Variants in PSPC1 observed in about 807,000 individuals in gnomAD.
The protein encoded by PSPC1 is paraspeckle protein 1.
In PSPC1, 14 loss-of-function variants were observed where a neutral mutation model predicts 51.6. The ratio of observed to expected loss-of-function variants is 0.27; its 90% CI spans 0.18 to 0.42. The LOEUF (loss-of-function observed/expected upper bound fraction) is 0.42, where lower values mean the gene tolerates loss of function less well. PSPC1 is among the 10% of genes least tolerant of loss of function. PSPC1 has a pLI of 1.00. For synonymous variants in PSPC1, 193 were observed against 231.9 expected, an observed-to-expected ratio of 0.83 and a Z score of 1.53; for missense variants, 406 against 701.1, an observed-to-expected ratio of 0.58 and a Z score of 4.75.
intron 5 of PSPC1, among the ~76,000 whole-genome samples, chr13:19,736,640 G>A (rs550703228): frequency 3.6e-4 from 55 of 152,166 alleles, no homozygotes; most frequent in Middle Eastern, 3.4e-3. Context: ...CCGAGATCGC[G>A]CCACTGCACT....
chr13:19,679,938 T>C (rs1407467610), intron 6 of PSPC1, among the ~76,000 whole-genome samples: 2 of 152,226 alleles, frequency 1.3e-5, no homozygotes, highest in Admixed American at 1.3e-4. Context: ...TTATAAACCA[T>C]TACTAAAACC....
chr13:19,776,437 G>A (rs929219798), intron 1 of PSPC1, among the ~76,000 whole-genome samples: 1 of 152,108 alleles, frequency 6.6e-6, no homozygotes, highest in African/African-American at 2.4e-5. Context: ...CTGCACTCTA[G>A]TCTGGGCACT....
rs757707556 is a variant in PSPC1, at chr13:19,703,137, A to T, written c.*38T>A. The T allele has an allele frequency of 1.9e-6, 3 of 1,577,430 alleles. No individual in the cohort carries two copies. The African/African-American group carries it at 4.1e-5, about 21-fold the overall frequency. On this transcript the variant is annotated 3_prime_UTR_variant, in exon 9 of 9. Transcript: ENST00000338910. ...GTAAAAGTATAAAGGCATACCACTG[A>T]CTTTTTTTTTTCTAGATAGCCAGGA...
At chr13:19,726,201 A>C (rs1883345012) in intron 6 of PSPC1, among the ~76,000 whole-genome samples, 1 of 152,128 alleles carries the variant, frequency 6.6e-6, no homozygotes, top group East Asian at 1.9e-4. Context: ...TAAATCTTAC[A>C]CCATGTTGAA....
chr13:19,678,694 G>A (rs1876936545), intron 6 of PSPC1: 1 of 152,182 alleles, frequency 6.6e-6, no homozygotes, highest in Non-Finnish European at 1.5e-5. Context: ...GGGATCCACA[G>A]ATACCCTAAT....
chr13:19,672,680 T>TC (rs778457927), downstream of PSPC1: 1 of 156,854 alleles, frequency 6.4e-6, no homozygotes, highest in Non-Finnish European at 1.4e-5. Flanking sequence ...GCACAAAAGG[T>TC]GGAGATGGCA....
intron 6 of PSPC1, among the ~76,000 whole-genome samples, chr13:19,693,197 A>G: frequency 6.6e-6 from 1 of 152,130 alleles, no homozygotes; most frequent in Non-Finnish European, 1.5e-5. Context: ...TCGTGCAAAA[A>G]GCCTACAACT....
intron 6 of PSPC1, among the ~76,000 whole-genome samples, chr13:19,691,426 G>A (rs1263799453): frequency 6.6e-6 from 1 of 152,058 alleles, no homozygotes; most frequent in Non-Finnish European, 1.5e-5. Flanking sequence ...CTACTACTGA[G>A]GTGGGATGAT....
chr13:19,691,979 C>G (rs181635812), intron 6 of PSPC1, among the ~76,000 whole-genome samples: 1 of 152,154 alleles, frequency 6.6e-6, no homozygotes, highest in East Asian at 1.9e-4. Flanking sequence ...GTTTAGTGAG[C>G]AAGCGGGGAG....
chr13:19,727,767 C>T (rs899702160), intron 6 of PSPC1, among the ~76,000 whole-genome samples: 22 of 152,144 alleles, frequency 1.4e-4, no homozygotes, highest in Non-Finnish European at 1.3e-4. Context: ...ATTCTCATTG[C>T]TTCCAGAATA....
chr13:19,718,256 T>TTA (rs746674049), intron 6 of PSPC1, among the ~76,000 whole-genome samples: 23 of 152,056 alleles, frequency 1.5e-4, no homozygotes, highest in East Asian at 9.7e-4. Context: ...GACAATCTCT[T>TTA]TATATATATA....
At chr13:19,701,486 C>A (rs1198661865), downstream of PSPC1, among the ~76,000 whole-genome samples, 1 of 152,100 alleles carries the variant, frequency 6.6e-6, no homozygotes, top group Non-Finnish European at 1.5e-5. Context: ...TATTATTTTA[C>A]AATCTCCAAA....
intron 2 of PSPC1, among the ~76,000 whole-genome samples, 193 bp from the exon 3 acceptor site, chr13:19,759,611 A>C (rs1481149907): frequency 6.6e-6 from 1 of 152,198 alleles, no homozygotes; most frequent in Non-Finnish European, 1.5e-5. Flanking sequence ...CTGTAATCCC[A>C]GTACTTTGGG....
intron 1 of PSPC1, among the ~76,000 whole-genome samples, chr13:19,780,121 C>CT (rs1889767075): frequency 1.6e-5 from 1 of 63,218 alleles, no homozygotes; most frequent in African/African-American, 4.1e-5. Flanking sequence ...CCAGCCGCCC[C>CT]GTCCGGGAGG....
chr13:19,775,999 C>T (rs1455297358), intron 1 of PSPC1, among the ~76,000 whole-genome samples: 5 of 151,616 alleles, frequency 3.3e-5, no homozygotes, highest in African/African-American at 7.3e-5. Context: ...TGCAGTGAGC[C>T]GCGATCGCAC....
intron 6 of PSPC1, among the ~76,000 whole-genome samples, chr13:19,723,830 A>G (rs552684202): frequency 3.4e-4 from 52 of 152,352 alleles, no homozygotes; most frequent in Non-Finnish European, 6.2e-4. Flanking sequence ...TTTAATGAAT[A>G]AGTAAAAACA....
intron 7 of PSPC1, among the ~76,000 whole-genome samples, chr13:19,676,266 C>T (rs1752686619): frequency 6.6e-6 from 1 of 152,096 alleles, no homozygotes; most frequent in African/African-American, 2.4e-5. Context: ...ATAAAATCTC[C>T]ATAGACTAGA....
At chr13:19,720,421 C>T (rs1042204985) in intron 6 of PSPC1, among the ~76,000 whole-genome samples, 1 of 152,288 alleles carries the variant, frequency 6.6e-6, no homozygotes, top group East Asian at 1.9e-4. Flanking sequence ...AGATGGCCAA[C>T]GTATGAGTTA....
intron 1 of PSPC1, among the ~76,000 whole-genome samples, chr13:19,779,339 G>GCC (rs1295017617): frequency 1.8e-5 from 2 of 110,666 alleles, no homozygotes; most frequent in Admixed American, 1.7e-4. Flanking sequence ...TGGGGGGTCA[G>GCC]CCCCCCCGCC....
Sources: allele counts gnomAD v4.1 joint callset (sites outside exome capture counted in the v4.1 genomes callset), GRCh38; gene constraint gnomAD v4.1.1; transcripts MANE v1.5; gene names NCBI Gene and HGNC (gene_info 2026-07-23, HGNC 2026-07-21).